Variants in GBE1 observed in about 807,000 individuals in gnomAD.
GBE1 encodes 1,4-alpha-glucan-branching enzyme.
GBE1 carries 70 observed loss-of-function variants against 88.8 expected under a neutral mutation model. That is an observed-to-expected ratio of 0.79 (90% CI 0.65 to 0.96). GBE1 has a LOEUF of 0.96. Among genes scored for constraint, GBE1 ranks in the 40% least tolerant of loss-of-function variants. The pLI is 0.00. For synonymous variants in GBE1, 284 were observed against 300.1 expected (o/e 0.95, Z 0.56); for missense variants, 872 against 871.0 (o/e 1.00, Z -0.01).
At chr3:81,729,937 G>A (rs1706162825) in intron 1 of GBE1, among the ~76,000 whole-genome samples, 1 of 152,120 alleles carries the variant, frequency 6.6e-6, no homozygotes, top group Non-Finnish European at 1.5e-5. Context: ...CAACTGTGTG[G>A]GAGCAGGCTG....
intron 1 of GBE1, among the ~76,000 whole-genome samples, chr3:81,714,121 C>T (rs1368325990): frequency 6.6e-6 from 1 of 152,126 alleles, no homozygotes; most frequent in Non-Finnish European, 1.5e-5. Flanking sequence ...TGGTATTCTT[C>T]GCTTTGAAAT....
At chr3:81,751,526 C>T (rs186725902) in intron 1 of GBE1, among the ~76,000 whole-genome samples, 43 of 152,278 alleles carry the variant, frequency 2.8e-4, no homozygotes, top group African/African-American at 8.9e-4. Flanking sequence ...ATATGCTTCA[C>T]TAAAAAAGAC....
chr3:81,564,807 A>G (rs1462047045), intron 12 of GBE1, among the ~76,000 whole-genome samples: 1 of 152,104 alleles, frequency 6.6e-6, no homozygotes, highest in Non-Finnish European at 1.5e-5. Flanking sequence ...GTCCAGGTCA[A>G]TCTGTCTCTC....
chr3:81,698,670 G>A (rs905398811), intron 2 of GBE1, among the ~76,000 whole-genome samples: 1 of 152,128 alleles, frequency 6.6e-6, no homozygotes, highest in African/African-American at 2.4e-5. Context: ...AGCATGGATG[G>A]GATTGGGGGA....
chr3:81,614,296 GA>G (rs1295948201), intron 7 of GBE1, among the ~76,000 whole-genome samples: 5 of 152,078 alleles, frequency 3.3e-5, no homozygotes, highest in Admixed American at 6.6e-5. Context: ...TCTAGGGGGG[GA>G]AAAAACCCTA....
At chr3:81,715,371 T>G (rs1705926059) in intron 1 of GBE1, among the ~76,000 whole-genome samples, 1 of 152,154 alleles carries the variant, frequency 6.6e-6, no homozygotes. Flanking sequence ...TTCTTCAAAA[T>G]GACTGCAAAC....
intron 14 of GBE1, among the ~76,000 whole-genome samples, chr3:81,510,453 A>G (rs1367178840): frequency 2.6e-5 from 4 of 152,108 alleles, no homozygotes; most frequent in African/African-American, 9.7e-5. Flanking sequence ...AACAGGGGCT[A>G]AACTAGTGTC....
At chr3:81,589,455 AT>A (rs1213308644) in intron 9 of GBE1, among the ~76,000 whole-genome samples, 1 of 151,800 alleles carries the variant, frequency 6.6e-6, no homozygotes, top group Non-Finnish European at 1.5e-5. Flanking sequence ...AAAGTGACGT[AT>A]TGAAATTGAA....
At chr3:81,513,614 A>G (rs1702754699) in intron 14 of GBE1, among the ~76,000 whole-genome samples, 1 of 151,660 alleles carries the variant, frequency 6.6e-6, no homozygotes, top group African/African-American at 2.4e-5. Flanking sequence ...AAAAAAGACA[A>G]CAGACAGGAT....
At chr3:81,653,788 T>C (rs905237602) in intron 3 of GBE1, among the ~76,000 whole-genome samples, 1 of 152,222 alleles carries the variant, frequency 6.6e-6, no homozygotes, top group Admixed American at 6.5e-5. Context: ...TTTTAAAAGA[T>C]ATAAAAATAT....
intron 5 of GBE1, 43 bp from the exon 6 acceptor site, chr3:81,646,525 A>T (rs1704766310): frequency 1.3e-5 from 13 of 971,290 alleles, no homozygotes; most frequent in South Asian, 3.3e-5. Context: ...AGCCACATTT[A>T]AAAAAAAAGT....
intron 12 of GBE1, among the ~76,000 whole-genome samples, chr3:81,563,947 AAGGAAGGAAGGAAGGAACGG>A (rs1276972069): frequency 1.3e-3 from 195 of 151,366 alleles, no homozygotes; most frequent in African/African-American, 4.4e-3. Flanking sequence ...GGAAGGGACG[AAGGAAGGAAGGAAGGAACGG>A]AGGAAGGAAG....
intron 14 of GBE1, among the ~76,000 whole-genome samples, chr3:81,518,643 G>GA (rs1702830681): frequency 6.6e-6 from 1 of 151,194 alleles, no homozygotes. Flanking sequence ...GTTTAGCAAT[G>GA]AAAAAATGAT....
intron 1 of GBE1, among the ~76,000 whole-genome samples, chr3:81,750,625 A>ATATGTATATATATATG (rs1446390847): frequency 4.7e-5 from 3 of 63,396 alleles, no homozygotes; most frequent in African/African-American, 3.1e-4. Context: ...ATGTATATAT[A>ATATGTATATATATATG]TATACGTATA....
At chr3:81,554,574 A>C (rs926970234) in intron 12 of GBE1, among the ~76,000 whole-genome samples, 3 of 152,224 alleles carry the variant, frequency 2.0e-5, no homozygotes, top group Non-Finnish European at 4.4e-5. Flanking sequence ...ACATAGTGAC[A>C]GAGGTTAACA....
At chr3:81,710,095 CAAG>C (rs1372257178) in intron 1 of GBE1, among the ~76,000 whole-genome samples, 2 of 151,958 alleles carry the variant, frequency 1.3e-5, no homozygotes, top group African/African-American at 4.8e-5. Flanking sequence ...TGTCCAAGAT[CAAG>C]AAGGTAATAA....
In GBE1 at chr3:81,499,199, CTG is replaced by C. The variant is rs2106809957; in HGVS notation, c.1961_1962del (p.Ala654GlyfsTer14). 1 of 1,610,622 alleles carries C rather than the reference CTG, an allele frequency of 6.2e-7. No homozygotes were observed. Among genetic ancestry groups the C allele is most frequent in the Non-Finnish European group, 8.5e-7 (1 of 1,177,868 alleles). ...GKFKIVLDSD[A>X]AEYGGHQRLD... ...AGTCTCTGATGCCCTCCATATTCCGCTGCATCTGAATCTAGCACAATTTTGAA... is the reference window on the plus strand; with the variant it reads ...AGTCTCTGATGCCCTCCATATTCCGCCATCTGAATCTAGCACAATTTTGAA... On this transcript the variant is annotated frameshift_variant, in exon 15 of 16. Transcript: ENST00000429644. LOFTEE classifies it high-confidence loss of function.
chr3:81,663,136 A>G (rs1188567256), intron 3 of GBE1, among the ~76,000 whole-genome samples: 2 of 152,194 alleles, frequency 1.3e-5, no homozygotes, highest in Non-Finnish European at 1.5e-5. Context: ...CTGGGTAGAG[A>G]AAGCTGGGTC....
intron 1 of GBE1, chr3:81,743,627 A>C (rs888723102): frequency 2.0e-6 from 3 of 1,534,044 alleles, no homozygotes; most frequent in Non-Finnish European, 2.6e-6. Context: ...TCCAAGTGAA[A>C]TTGGAACATC....
Sources: allele counts gnomAD v4.1 joint callset (sites outside exome capture counted in the v4.1 genomes callset), GRCh38; gene constraint gnomAD v4.1.1; transcripts MANE v1.5; gene names NCBI Gene and HGNC (gene_info 2026-07-23, HGNC 2026-07-21).